Variants in CHUK observed in about 807,000 individuals in gnomAD.
The protein encoded by CHUK is component of inhibitor of nuclear factor kappa B kinase complex, also known as inhibitor of nuclear factor kappa-B kinase subunit alpha.
A neutral mutation model predicts 104.8 loss-of-function variants in CHUK; 35 were observed. The ratio of observed to expected loss-of-function variants is 0.33; its 90% CI spans 0.26 to 0.44. The LOEUF is 0.44. CHUK is among the 20% of genes least tolerant of loss of function. The pLI is 1.00. For missense variants in CHUK, 663 were observed against 902.7 expected, an observed-to-expected ratio of 0.73 and a Z score of 3.40; for synonymous variants, 276 against 291.9, an observed-to-expected ratio of 0.95 and a Z score of 0.56.
chr10:100,197,071 T>C (rs1211597262), intron 16 of CHUK, among the ~76,000 whole-genome samples: 1 of 152,182 alleles, frequency 6.6e-6, no homozygotes, highest in African/African-American at 2.4e-5. Context: ...TGAATACTTA[T>C]ACAAACCCTG....
At chr10:100,201,929 C>T (rs1410785484) in intron 14 of CHUK, among the ~76,000 whole-genome samples, 159 bp downstream of exon 14, 1 of 152,176 alleles carries the variant, frequency 6.6e-6, no homozygotes, top group African/African-American at 2.4e-5. Flanking sequence ...TTTTTAATCA[C>T]TATGATACAT....
chr10:100,224,318 G>C (rs1846057025), intron 2 of CHUK, among the ~76,000 whole-genome samples: 1 of 152,202 alleles, frequency 6.6e-6, no homozygotes, highest in Non-Finnish European at 1.5e-5. Flanking sequence ...ATCCTGAGAT[G>C]TCTCAGGAAA....
chr10:100,222,642 A>G (rs1846017082), intron 3 of CHUK, among the ~76,000 whole-genome samples: 1 of 152,216 alleles, frequency 6.6e-6, no homozygotes, highest in African/African-American at 2.4e-5. Context: ...TTTGCAAGTC[A>G]CATAGTCTCT....
Position 100,200,721 on chromosome 10 carries a change from C to T in CHUK, c.1629G>A (p.Glu543=). ...QIMSLHAEIM[E]LQKSPYGRRQ... Reference sequence around the variant, plus strand: ...GTCTTCCATAGGGGCTCTTCTGTAGCTCCATGATTTCAGCATGCAAAGACA... The same window carrying T: ...GTCTTCCATAGGGGCTCTTCTGTAGTTCCATGATTTCAGCATGCAAAGACA... The change falls in exon 15 of 21, where the codon GAG becomes GAA. Residue 543 remains glutamate, a synonymous_variant. Transcript: ENST00000370397. 4 of 1,608,656 alleles carry T rather than the reference C, an allele frequency of 2.5e-6. No homozygotes were observed. The South Asian group carries it at 3.3e-5, about 13-fold the overall frequency.
chr10:100,226,267 G>A (rs1846103616), intron 1 of CHUK, among the ~76,000 whole-genome samples: 1 of 151,922 alleles, frequency 6.6e-6, no homozygotes, highest in Non-Finnish European at 1.5e-5. Context: ...TTTATAACAG[G>A]TCTTTTCAGA....
chr10:100,206,387 A>G (rs1845591570), intron 11 of CHUK, among the ~76,000 whole-genome samples: 1 of 152,064 alleles, frequency 6.6e-6, no homozygotes, highest in Non-Finnish European at 1.5e-5. Flanking sequence ...AATGTTAACA[A>G]TAGGAAAAAC....
intron 16 of CHUK, among the ~76,000 whole-genome samples, chr10:100,198,301 C>G (rs1052523653): frequency 2.0e-5 from 3 of 152,146 alleles, no homozygotes; most frequent in African/African-American, 7.2e-5. Flanking sequence ...ATAGAAGAAA[C>G]ACTTTATGAG....
At chr10:100,202,930 C>A (rs986987394) in intron 13 of CHUK, among the ~76,000 whole-genome samples, 5 of 151,994 alleles carry the variant, frequency 3.3e-5, no homozygotes, top group Non-Finnish European at 7.4e-5. Flanking sequence ...CTAATTTTTA[C>A]ATTTTTTGTA....
chr10:100,190,448 A>G (rs557097832), intron 20 of CHUK: 1 of 204,748 alleles, frequency 4.9e-6, no homozygotes, highest in Non-Finnish European at 1.0e-5. Flanking sequence ...AGTTTATAGT[A>G]ACCAAATCTT....
chr10:100,226,142 G>A, intron 1 of CHUK, 125 bp from the exon 2 acceptor site: 1 of 659,846 alleles, frequency 1.5e-6, no homozygotes, highest in Non-Finnish European at 2.7e-6. Context: ...TTTATCCACA[G>A]CTCTCTTGAG....
At chr10:100,208,128 C>T (rs900266410) in intron 10 of CHUK, among the ~76,000 whole-genome samples, 2 of 151,606 alleles carry the variant, frequency 1.3e-5, no homozygotes, top group African/African-American at 4.8e-5. Context: ...TTTTTTGAGA[C>T]AGGGTCTTGC....
At chr10:100,210,751 A>AC (rs1272622303) in intron 9 of CHUK, among the ~76,000 whole-genome samples, 1 of 152,200 alleles carries the variant, frequency 6.6e-6, no homozygotes, top group Non-Finnish European at 1.5e-5. Flanking sequence ...CAGAGCAGCA[A>AC]CCTGCTTAAG....
intron 10 of CHUK, among the ~76,000 whole-genome samples, chr10:100,207,775 T>G (rs561597393): frequency 1.3e-5 from 2 of 152,234 alleles, no homozygotes; most frequent in South Asian, 2.1e-4. Flanking sequence ...GTGGACAGAA[T>G]GGAGATTAAC....
At position 100,193,426 on chromosome 10, in the gene CHUK, CTG is replaced by C; in HGVS notation, c.1978_1979del (p.Gln660GlufsTer31). The C allele has an allele frequency of 6.2e-7, 1 of 1,614,102 alleles. No individual in the cohort carries two copies. Among genetic ancestry groups the C allele is most frequent in the South Asian group, 1.1e-5 (1 of 91,084 alleles). On this transcript the variant is annotated frameshift_variant, in exon 19 of 21. Transcript: ENST00000370397. LOFTEE classifies it high-confidence loss of function. ...IWHLLKIACT[Q>X]SSARSLVGSS... Reference sequence around the variant, plus strand: ...ATCCTACAAGGGACCGGGCAGAACTCTGTGTCTGAAGGAAAAGAAAAAAACAT... The same window carrying C: ...ATCCTACAAGGGACCGGGCAGAACTCTGTCTGAAGGAAAAGAAAAAAACAT...
At chr10:100,228,180 T>C (rs1019149819) in intron 1 of CHUK, among the ~76,000 whole-genome samples, 4 of 152,214 alleles carry the variant, frequency 2.6e-5, no homozygotes, top group African/African-American at 9.7e-5. Flanking sequence ...TATACTATAC[T>C]TACTTTACAG....
intron 4 of CHUK, among the ~76,000 whole-genome samples, chr10:100,221,526 G>T (rs117900452): frequency 7.2e-5 from 11 of 152,252 alleles, no homozygotes; most frequent in South Asian, 4.1e-4. Flanking sequence ...TCAATGGTAG[G>T]GGGGGAGAGA....
Position 100,196,708 on chromosome 10 carries a change from G to T in CHUK, c.1730-2187C>A, listed in dbSNP as rs79638523. Among the ~76,000 whole-genome samples the T allele has an allele frequency of 8.0e-3, 1,219 of 152,254 alleles. 21 individuals are homozygous for T. Among genetic ancestry groups the T allele is most frequent in the African/African-American group, 0.027 (1,109 of 41,544 alleles). On this transcript the variant is annotated intron_variant, in intron 16 of 20. Transcript: ENST00000370397. ...GAGCCACCTGGCCTGGATTCTTAAT[G>T]AATGTTTTGGGTCAACAACATCTTC... is the stretch of plus-strand genomic sequence containing the variant.
chr10:100,223,120 G>A, intron 2 of CHUK, 140 bp from the exon 3 acceptor site: 1 of 529,302 alleles, frequency 1.9e-6, no homozygotes, highest in Non-Finnish European at 3.3e-6. Context: ...TTTCTGATTT[G>A]TATAATTAAA....
At chr10:100,200,911 T>G (rs1470226769) in intron 14 of CHUK, 131 bp from the exon 15 acceptor site, 3 of 691,122 alleles carry the variant, frequency 4.3e-6, no homozygotes, top group Middle Eastern at 2.8e-4. Context: ...TACGAAACAC[T>G]GATTTTGTTA....
Sources: allele counts gnomAD v4.1 joint callset (sites outside exome capture counted in the v4.1 genomes callset), GRCh38; gene constraint gnomAD v4.1.1; transcripts MANE v1.5; gene names NCBI Gene and HGNC (gene_info 2026-07-23, HGNC 2026-07-21).